The following ARHGEF26 variants were observed in gnomAD, a reference collection of about 807,000 sequenced individuals.
The protein encoded by ARHGEF26 is Rho guanine nucleotide exchange factor (GEF) 26.
A neutral mutation model predicts 89.4 loss-of-function variants in ARHGEF26; 59 were observed. The ratio of observed to expected loss-of-function variants is 0.66; its 90% confidence interval spans 0.54 to 0.82. The LOEUF is 0.82. Among genes scored for constraint, ARHGEF26 ranks in the 40% least tolerant of loss-of-function variants. The pLI is 0.00. For synonymous variants in ARHGEF26, 500 were observed against 428.4 expected (o/e 1.17, Z -2.06); for missense variants, 1,234 against 1,085.6 (o/e 1.14, Z -1.92).
intron 9 of ARHGEF26, among the ~76,000 whole-genome samples, chr3:154,210,295 C>G (rs753024671): frequency 8.6e-5 from 13 of 152,024 alleles, no homozygotes; most frequent in Non-Finnish European, 1.8e-4. Flanking sequence ...GACTCAGGGC[C>G]CTCGGCATAG....
chr3:154,223,110 C>T (rs1017874685), intron 10 of ARHGEF26, among the ~76,000 whole-genome samples: 2 of 152,090 alleles, frequency 1.3e-5, no homozygotes, highest in African/African-American at 4.8e-5. Flanking sequence ...AAAGTTTGAC[C>T]TTATGAATAA....
intron 9 of ARHGEF26, among the ~76,000 whole-genome samples, chr3:154,216,254 C>G (rs1338951086): frequency 2.0e-5 from 3 of 151,392 alleles, no homozygotes; most frequent in African/African-American, 7.3e-5. Flanking sequence ...TCCAGATTTT[C>G]CAGTTAATGA....
Position 154,256,574 on chromosome 3 carries a change from AACC to A in ARHGEF26, c.*1102_*1104del, listed in dbSNP as rs1718523229. 105 of 849,774 alleles carry A rather than the reference AACC, an allele frequency of 1.2e-4. No individual in the cohort carries two copies. The highest frequency in any genetic ancestry group is 5.8e-4 in the Middle Eastern group (1 of 1,730). 52.6% of individuals were successfully genotyped at this position (849,774 alleles called of 1,614,324 possible). A position where few individuals can be genotyped will look rare whatever the true frequency, so the allele number is the denominator to read the frequency against. ...AAAAAAAAAAAAAAAAAAAAAAAAA[AACC>A]TTCCCAAATGAGCTGATAAAAAACT... On this transcript the variant is annotated 3_prime_UTR_variant, in exon 15 of 15. Transcript: ENST00000465093.
chr3:154,142,830 T>G (rs187037121), intron 4 of ARHGEF26, among the ~76,000 whole-genome samples: 2 of 152,308 alleles, frequency 1.3e-5, no homozygotes, highest in East Asian at 3.9e-4. Flanking sequence ...TCCTCCTTTA[T>G]CTCTCATGCT....
chr3:154,191,478 A>G (rs1713956267), intron 8 of ARHGEF26, 60 bp downstream of exon 8: 1 of 1,546,520 alleles, frequency 6.5e-7, no homozygotes. Context: ...AATCTGATTT[A>G]GAAAATTATT....
chr3:154,213,883 A>T (rs1350025532), intron 9 of ARHGEF26, among the ~76,000 whole-genome samples: 1 of 152,164 alleles, frequency 6.6e-6, no homozygotes, highest in African/African-American at 2.4e-5. Context: ...AGAATATCCC[A>T]TTGGGCGTTA....
intron 10 of ARHGEF26, among the ~76,000 whole-genome samples, chr3:154,223,162 CAT>C (rs1473613752): frequency 6.6e-6 from 1 of 152,144 alleles, no homozygotes; most frequent in Non-Finnish European, 1.5e-5. Flanking sequence ...CTTTAGGAGA[CAT>C]ACATTCAGTG....
intron 9 of ARHGEF26, among the ~76,000 whole-genome samples, chr3:154,200,142 T>G (rs1003306072): frequency 6.6e-6 from 1 of 152,184 alleles, no homozygotes; most frequent in African/African-American, 2.4e-5. Context: ...CCCAGACCAA[T>G]GTGCTGGAGA....
At chr3:154,180,904 T>G (rs1713143033) in intron 6 of ARHGEF26, among the ~76,000 whole-genome samples, 1 of 152,158 alleles carries the variant, frequency 6.6e-6, no homozygotes, top group South Asian at 2.1e-4. Flanking sequence ...CCTATCACTG[T>G]TAGTCTCTGG....
At chr3:154,205,794 A>G (rs1714982278) in intron 9 of ARHGEF26, among the ~76,000 whole-genome samples, 1 of 151,948 alleles carries the variant, frequency 6.6e-6, no homozygotes, top group Admixed American at 6.6e-5. Context: ...TTGTACCCCC[A>G]CTTTTAATCA....
At chr3:154,171,804 T>C (rs961626577) in intron 6 of ARHGEF26, among the ~76,000 whole-genome samples, 2 of 151,854 alleles carry the variant, frequency 1.3e-5, no homozygotes, top group African/African-American at 4.8e-5. Context: ...AGACTAGAGA[T>C]AGAGAAGTTA....
chr3:154,196,100 TTGG>T (rs1714274651), intron 9 of ARHGEF26, among the ~76,000 whole-genome samples: 1 of 151,222 alleles, frequency 6.6e-6, no homozygotes. Context: ...TATACTGGGG[TTGG>T]GGGGCGGGGA....
rs71624549 is a variant in ARHGEF26 at position 154,256,575 on chromosome 3, AC to A, written c.*1104del. The A allele has an allele frequency of 0.25, 195,069 of 774,272 alleles. 19,912 individuals carry two copies. The highest frequency in any genetic ancestry group is 0.29 in the South Asian group (4,506 of 15,810). 48.0% of individuals were successfully genotyped at this position (774,272 alleles called of 1,614,324 possible). ...AAAAAAAAAAAAAAAAAAAAAAAAAACCTTCCCAAATGAGCTGATAAAAAAC... is the reference window on the plus strand; with the variant it reads ...AAAAAAAAAAAAAAAAAAAAAAAAAACTTCCCAAATGAGCTGATAAAAAAC... On this transcript the variant is annotated 3_prime_UTR_variant, in exon 15 of 15. Coordinates refer to ENST00000465093, the MANE Select transcript of ARHGEF26 (RefSeq NM_015595.4).
intron 11 of ARHGEF26, among the ~76,000 whole-genome samples, chr3:154,228,128 C>CT: frequency 7.1e-6 from 1 of 140,438 alleles, no homozygotes; most frequent in African/African-American, 2.7e-5. Context: ...CATTGGGAGT[C>CT]TTTGAGAATT....
At chr3:154,167,580 C>G (rs1332665219) in intron 6 of ARHGEF26, among the ~76,000 whole-genome samples, 1 of 152,084 alleles carries the variant, frequency 6.6e-6, no homozygotes, top group Non-Finnish European at 1.5e-5. Context: ...AAATGGGCAC[C>G]TGGGATGTAT....
At position 154,202,433 on chromosome 3, in the gene ARHGEF26, C is replaced by T. The variant is rs527666080; in HGVS notation, c.1845+7715C>T. On this transcript the variant is annotated intron_variant, in intron 9 of 14. Coordinates refer to ENST00000465093, the MANE Select transcript of ARHGEF26 (RefSeq NM_015595.4). ...TGTAGTATAGTTTGAAGTCAGGTAG[C>T]GTGATGCCTCCAGCTTTGTTCTTTT... Among the ~76,000 whole-genome samples the T allele has an allele frequency of 7.9e-5, 12 of 152,116 alleles. 1 individual carries two copies. The highest frequency in any genetic ancestry group is 1.9e-4 in the African/African-American group (8 of 41,504).
At chr3:154,191,562 C>G in intron 8 of ARHGEF26, 144 bp downstream of exon 8, 1 of 1,002,910 alleles carries the variant, frequency 1.0e-6, no homozygotes, top group Non-Finnish European at 1.4e-6. Flanking sequence ...GTTGTTTGTT[C>G]AGAAAGTCTC....
intron 3 of ARHGEF26, 34 bp from the exon 4 acceptor site, chr3:154,129,540 C>T: frequency 1.3e-6 from 2 of 1,598,352 alleles, no homozygotes; most frequent in African/African-American, 1.3e-5. Flanking sequence ...TGATTGAGAA[C>T]AATTAGTGAC....
chr3:154,158,839 GTTAC>G (rs1711511124), intron 6 of ARHGEF26, among the ~76,000 whole-genome samples: 1 of 151,736 alleles, frequency 6.6e-6, no homozygotes, highest in Non-Finnish European at 1.5e-5. Flanking sequence ...AAAATCTATG[GTTAC>G]TTAGGATAAT....
Sources: gnomAD v4.1 joint callset for allele counts (sites outside exome capture counted in the v4.1 genomes callset) on GRCh38, gnomAD v4.1.1 for gene constraint, MANE v1.5 for transcripts, NCBI Gene and HGNC (gene_info 2026-07-23, HGNC 2026-07-21) for gene names.